The following RBFOX1 variants were observed in gnomAD, a reference collection of about 807,000 sequenced individuals.
RBFOX1 encodes the protein RNA binding fox-1 homolog 1.
A neutral mutation model predicts 57.7 loss-of-function variants in RBFOX1; 8 were observed. The ratio of observed to expected loss-of-function variants is 0.14; its 90% CI spans 0.08 to 0.25. The LOEUF (loss-of-function observed/expected upper bound fraction) is 0.25. Ranked by LOEUF, RBFOX1 falls within the 10% of genes least tolerant of loss-of-function variation. RBFOX1 has a pLI of 1.00. For missense variants in RBFOX1, 611 were observed against 548.5 expected, an observed-to-expected ratio of 1.11 and a Z score of -1.14; for synonymous variants, 326 against 222.4, an observed-to-expected ratio of 1.47 and a Z score of -4.15.
chr16:7,138,081 A>C (rs895095695), intron 4 of RBFOX1, among the ~76,000 whole-genome samples: 1 of 152,142 alleles, frequency 6.6e-6, no homozygotes, highest in Non-Finnish European at 1.5e-5. Flanking sequence ...ATGTTTGGAG[A>C]GAATGGTGAC....
chr16:7,443,558 C>G (rs576945391), intron 4 of RBFOX1, among the ~76,000 whole-genome samples: 3 of 151,940 alleles, frequency 2.0e-5, no homozygotes, highest in Admixed American at 2.0e-4. Flanking sequence ...GTATCCTCAT[C>G]TTATATTTCT....
chr16:6,671,628 G>A (rs558904509), intron 3 of RBFOX1, among the ~76,000 whole-genome samples: 2 of 152,034 alleles, frequency 1.3e-5, no homozygotes, highest in East Asian at 1.9e-4. Context: ...CACCCTTTCC[G>A]CCTGAGTCCC....
intron 3 of RBFOX1, among the ~76,000 whole-genome samples, chr16:6,819,853 C>A (rs1603628701): frequency 6.6e-6 from 1 of 152,022 alleles, no homozygotes; most frequent in African/African-American, 2.4e-5. Context: ...CCCTCTGATT[C>A]CAGTGTAACC....
At chr16:6,789,268 C>T (rs2082498499) in intron 3 of RBFOX1, among the ~76,000 whole-genome samples, 1 of 152,158 alleles carries the variant, frequency 6.6e-6, no homozygotes, top group Non-Finnish European at 1.5e-5. Flanking sequence ...CCCCATGGTT[C>T]ACCAGAACTT....
intron 2 of RBFOX1, among the ~76,000 whole-genome samples, chr16:6,613,117 T>C (rs141993301): frequency 5.7e-4 from 87 of 151,974 alleles, no homozygotes; most frequent in African/African-American, 1.8e-3. Flanking sequence ...ATTAATACTT[T>C]TGCACTCGCG....
At chr16:7,120,607 A>G (rs945627709) in intron 4 of RBFOX1, among the ~76,000 whole-genome samples, 4 of 151,750 alleles carry the variant, frequency 2.6e-5, no homozygotes, top group Non-Finnish European at 4.4e-5. Flanking sequence ...AAATGGTTCA[A>G]TAGACTTATT....
At chr16:6,518,288 C>A (rs1258968787) in intron 2 of RBFOX1, among the ~76,000 whole-genome samples, 1 of 152,204 alleles carries the variant, frequency 6.6e-6, no homozygotes, top group Non-Finnish European at 1.5e-5. Context: ...GTTTTCATCT[C>A]ACTTGAGGAG....
chr16:6,604,075 A>T (rs2097892308), intron 2 of RBFOX1, among the ~76,000 whole-genome samples: 1 of 151,912 alleles, frequency 6.6e-6, no homozygotes, highest in Admixed American at 6.6e-5. Flanking sequence ...AAACACCCAG[A>T]TCCCTTTTTG....
At chr16:7,234,059 G>A (rs544774497) in intron 4 of RBFOX1, among the ~76,000 whole-genome samples, 1 of 152,212 alleles carries the variant, frequency 6.6e-6, no homozygotes, top group East Asian at 1.9e-4. Flanking sequence ...AGAAGAGAGG[G>A]GTTGCATGGA....
At chr16:6,245,397 C>T (rs1343509425) in intron 1 of RBFOX1, among the ~76,000 whole-genome samples, 1 of 152,098 alleles carries the variant, frequency 6.6e-6, no homozygotes, top group Non-Finnish European at 1.5e-5. Context: ...CATGTATCTG[C>T]ACCAATAATT....
intron 3 of RBFOX1, among the ~76,000 whole-genome samples, chr16:5,712,270 C>G (rs1177999791): frequency 1.3e-5 from 2 of 152,188 alleles, no homozygotes; most frequent in African/African-American, 4.8e-5. Context: ...GAAGCCAAAC[C>G]ATATAATGCT....
At chr16:7,394,605 C>T (rs2098111258) in intron 4 of RBFOX1, among the ~76,000 whole-genome samples, 1 of 152,178 alleles carries the variant, frequency 6.6e-6, no homozygotes, top group African/African-American at 2.4e-5. Flanking sequence ...CTCTACTGTA[C>T]CTCCAACGGG....
intron 3 of RBFOX1, among the ~76,000 whole-genome samples, chr16:6,835,134 C>T (rs2092995763): frequency 1.3e-5 from 2 of 151,976 alleles, no homozygotes; most frequent in South Asian, 2.1e-4. Flanking sequence ...ATCTCCTGAC[C>T]CTGTGATCTG....
chr16:7,393,995 G>A (rs1452220858), intron 4 of RBFOX1, among the ~76,000 whole-genome samples: 2 of 152,016 alleles, frequency 1.3e-5, no homozygotes, highest in East Asian at 3.9e-4. Context: ...TAGCCCTTTG[G>A]GAGTCCAAGG....
intron 3 of RBFOX1, among the ~76,000 whole-genome samples, chr16:5,666,746 A>C (rs17138310): frequency 6.6e-6 from 1 of 152,104 alleles, no homozygotes. Context: ...ATGGATCTCT[A>C]TTTCTCCTGC....
intron 3 of RBFOX1, among the ~76,000 whole-genome samples, chr16:7,010,228 T>A (rs777877956): frequency 3.9e-5 from 6 of 152,244 alleles, no homozygotes; most frequent in Non-Finnish European, 8.8e-5. Context: ...GAAGCTCAAA[T>A]ACACAGACAA....
At chr16:6,459,252 C>T (rs1178619925) in intron 2 of RBFOX1, among the ~76,000 whole-genome samples, 9 of 152,112 alleles carry the variant, frequency 5.9e-5, no homozygotes, top group Admixed American at 3.9e-4. Context: ...AGGAGAATGG[C>T]GTGAACCCGG....
intron 7 of RBFOX1, among the ~76,000 whole-genome samples, chr16:7,590,273 A>G (rs1057302973): frequency 9.9e-5 from 15 of 151,958 alleles, no homozygotes; most frequent in Admixed American, 7.9e-4. Flanking sequence ...TCTCAGAACA[A>G]GTATCTATAT....
At chr16:6,580,532 C>T (rs544092632) in intron 2 of RBFOX1, among the ~76,000 whole-genome samples, 1 of 152,168 alleles carries the variant, frequency 6.6e-6, no homozygotes, top group African/African-American at 2.4e-5. Context: ...CATAAACATA[C>T]AAATAATGAA....
Sources: gnomAD v4.1 joint callset for allele counts (sites outside exome capture counted in the v4.1 genomes callset) on GRCh38, gnomAD v4.1.1 for gene constraint, MANE v1.5 for transcripts, NCBI Gene and HGNC (gene_info 2026-07-23, HGNC 2026-07-21) for gene names.